The following ACTR2 variants were observed in gnomAD, a reference collection of about 807,000 sequenced individuals.
ACTR2 encodes actin related protein 2.
Under a neutral mutation model 50.2 loss-of-function variants are expected in ACTR2, and 5 were observed. The observed-to-expected ratio is 0.10, with a 90% CI of 0.05 to 0.21. The LOEUF is 0.21. Among genes scored for constraint, ACTR2 ranks in the 10% least tolerant of loss-of-function variants. ACTR2 has a pLI of 1.00. For missense variants in ACTR2, 180 were observed against 480.6 expected (o/e 0.37, Z 5.85); for synonymous variants, 140 against 162.9 (o/e 0.86, Z 1.07).
In ACTR2 at chr2:65,231,600, C is replaced by T. The variant is rs371732942; in HGVS notation, c.48+3643C>T. Among the ~76,000 whole-genome samples the T allele has an allele frequency of 6.3e-4, 96 of 151,890 alleles. 1 individual carries two copies. In the South Asian group the frequency reaches 0.018, roughly 29 times the overall value. ...CTGTATTTCCAGCATTTTGGGAGGCCGAGGTGAGAGGATTTCTTGAGGCCA... is the reference window on the plus strand; with the variant it reads ...CTGTATTTCCAGCATTTTGGGAGGCTGAGGTGAGAGGATTTCTTGAGGCCA... On this transcript the variant is annotated intron_variant, in intron 1 of 8. Coordinates refer to ENST00000260641, the MANE Select transcript of ACTR2 (RefSeq NM_005722.4).
chr2:65,239,029 G>C (rs1411284222), intron 1 of ACTR2, among the ~76,000 whole-genome samples: 1 of 152,198 alleles, frequency 6.6e-6, no homozygotes, highest in East Asian at 1.9e-4. Context: ...GGTGATATTA[G>C]TTTAAATGAC....
At chr2:65,262,116 A>G (rs1217808938) in intron 7 of ACTR2, among the ~76,000 whole-genome samples, 1 of 152,190 alleles carries the variant, frequency 6.6e-6, no homozygotes, top group African/African-American at 2.4e-5. Flanking sequence ...AGTTCCTTAC[A>G]TATTTTGGAT....
intron 2 of ACTR2, chr2:65,242,079 C>A: frequency 6.3e-7 from 1 of 1,575,826 alleles, no homozygotes; most frequent in Non-Finnish European, 8.7e-7. Context: ...TGAGGTTACA[C>A]ACATGCTCTG....
intron 6 of ACTR2, among the ~76,000 whole-genome samples, chr2:65,260,628 G>A (rs1453152950): frequency 6.6e-6 from 1 of 152,048 alleles, no homozygotes; most frequent in Non-Finnish European, 1.5e-5. Context: ...AAAATACAAT[G>A]GTTGGTCAGT....
At chr2:65,265,526 A>G (rs1672353747) in intron 8 of ACTR2, among the ~76,000 whole-genome samples, 1 of 152,128 alleles carries the variant, frequency 6.6e-6, no homozygotes, top group Admixed American at 6.5e-5. Context: ...TATTTTTTGG[A>G]TATGCAATCA....
chr2:65,241,977 A>G, intron 2 of ACTR2: 2 of 1,583,692 alleles, frequency 1.3e-6, no homozygotes, highest in Non-Finnish European at 1.7e-6. Context: ...TTCAGTGAGG[A>G]TTTTATTTAG....
chr2:65,268,113 A>AGG (rs750463045), intron 8 of ACTR2, among the ~76,000 whole-genome samples: 26 of 152,078 alleles, frequency 1.7e-4, no homozygotes, highest in East Asian at 9.7e-4. Context: ...CTGGGATTAC[A>AGG]CTTGAGCCAC....
At chr2:65,263,002 A>C (rs998243368) in intron 7 of ACTR2, among the ~76,000 whole-genome samples, 12 of 149,726 alleles carry the variant, frequency 8.0e-5, no homozygotes, top group Non-Finnish European at 1.5e-4. Context: ...TAAAAAAAAA[A>C]CATATATATA....
intron 8 of ACTR2, among the ~76,000 whole-genome samples, chr2:65,266,646 G>A (rs1672377236): frequency 6.6e-6 from 1 of 152,102 alleles, no homozygotes; most frequent in African/African-American, 2.4e-5. Flanking sequence ...ACTCTTGGGG[G>A]AAGAGGGAAC....
intron 1 of ACTR2, among the ~76,000 whole-genome samples, chr2:65,235,158 AGTGT>A (rs993166951): frequency 2.0e-5 from 3 of 148,342 alleles, no homozygotes; most frequent in African/African-American, 7.4e-5. Flanking sequence ...GGGAGAGAAG[AGTGT>A]GTGAGAGGTG....
rs776012588 is a variant in ACTR2 at position 65,270,447 on chromosome 2, C to T, written c.*1713C>T. Reference sequence around the variant, plus strand: ...ACATGCCTCAGAACCCTGAATAGCCCGTACTAGATCTTGGGAACATGGATC... The same window carrying T: ...ACATGCCTCAGAACCCTGAATAGCCTGTACTAGATCTTGGGAACATGGATC... On this transcript the variant is annotated 3_prime_UTR_variant, in exon 9 of 9. Transcript: ENST00000260641. 4.6e-5 allele frequency: 7 copies of T among 152,548 alleles called. No homozygotes were observed. The highest frequency in any genetic ancestry group is 1.4e-4 in the African/African-American group (6 of 41,408). 9.4% of individuals were successfully genotyped at this position (152,548 alleles called of 1,614,324 possible).
rs1188300358 is a variant in ACTR2, at chr2:65,267,823, C to CATAACAGT, written c.1015-738_1015-731dup. The stretch of plus-strand genomic sequence containing the variant: ...TTACTCTATTGCCCTGGACTAGAAT[C>CATAACAGT]ATAACAGTATGAGACCTTGAAGAAG... On this transcript the variant is annotated intron_variant, in intron 8 of 8. Coordinates refer to ENST00000260641, the MANE Select transcript of ACTR2 (RefSeq NM_005722.4). Among the ~76,000 whole-genome samples the CATAACAGT allele has an allele frequency of 1.4e-4, 20 of 139,558 alleles. No individual in the cohort carries two copies. The Admixed American group carries it at 1.4e-3, about 10-fold the overall frequency. 91.6% of individuals were successfully genotyped at this position (139,558 alleles called of 152,430 possible). A position where few individuals can be genotyped will look rare whatever the true frequency, so the allele number is the denominator to read the frequency against.
intron 4 of ACTR2, among the ~76,000 whole-genome samples, chr2:65,251,428 C>G (rs1672048663): frequency 6.6e-6 from 1 of 152,176 alleles, no homozygotes; most frequent in Non-Finnish European, 1.5e-5. Flanking sequence ...ATAGTGCAAT[C>G]TTGGCTTACC....
At chr2:65,235,691 G>T (rs1671726621) in intron 1 of ACTR2, among the ~76,000 whole-genome samples, 1 of 152,106 alleles carries the variant, frequency 6.6e-6, no homozygotes. Context: ...GGAGGCAGAG[G>T]TTGCAATGAG....
intron 1 of ACTR2, among the ~76,000 whole-genome samples, chr2:65,237,258 A>G (rs1158616761): frequency 6.6e-6 from 1 of 151,992 alleles, no homozygotes; most frequent in Admixed American, 6.6e-5. Flanking sequence ...TTACTAGACT[A>G]TGTATTATTT....
At chr2:65,252,613 C>T (rs1024864789) in intron 4 of ACTR2, among the ~76,000 whole-genome samples, 3 of 151,692 alleles carry the variant, frequency 2.0e-5, no homozygotes, top group Non-Finnish European at 4.4e-5. Flanking sequence ...CCATTGCACT[C>T]CAGCCTGGGC....
intron 7 of ACTR2, among the ~76,000 whole-genome samples, chr2:65,262,992 T>TAA (rs11412556): frequency 1.9e-4 from 28 of 146,088 alleles, no homozygotes; most frequent in East Asian, 1.6e-3. Flanking sequence ...AGAAAGTTCC[T>TAA]AAAAAAAAAA....
intron 1 of ACTR2, among the ~76,000 whole-genome samples, chr2:65,235,339 G>T (rs1020815012): frequency 6.6e-6 from 1 of 152,130 alleles, no homozygotes; most frequent in African/African-American, 2.4e-5. Flanking sequence ...CCTGAATTCT[G>T]TTCATTTTAA....
At chr2:65,237,237 A>T (rs1262732069) in intron 1 of ACTR2, among the ~76,000 whole-genome samples, 1 of 152,056 alleles carries the variant, frequency 6.6e-6, no homozygotes, top group Non-Finnish European at 1.5e-5. Context: ...CTTTCCTTGC[A>T]ATGTCTGCTC....
Sources: allele counts gnomAD v4.1 joint callset (sites outside exome capture counted in the v4.1 genomes callset), GRCh38; gene constraint gnomAD v4.1.1; transcripts MANE v1.5; gene names NCBI Gene and HGNC (gene_info 2026-07-23, HGNC 2026-07-21).